The following SOCS7 variants were observed in gnomAD, a reference collection of about 807,000 sequenced individuals.
SOCS7 encodes suppressor of cytokine signaling 7, also known as NAP-4.
SOCS7 carries 18 observed loss-of-function variants against 58.9 expected under a neutral mutation model. That is an observed-to-expected ratio of 0.31 (90% CI 0.21 to 0.45). The LOEUF is 0.45. Ranked by LOEUF, SOCS7 falls within the 20% of genes least tolerant of loss-of-function variation. SOCS7 has a pLI of 1.00. For missense variants in SOCS7, 667 were observed against 837.3 expected, an observed-to-expected ratio of 0.80 and a Z score of 2.51; for synonymous variants, 388 against 364.3, an observed-to-expected ratio of 1.06 and a Z score of -0.74.
At chr17:38,366,881 T>A (rs908206423) in intron 5 of SOCS7, among the ~76,000 whole-genome samples, 2 of 152,158 alleles carry the variant, frequency 1.3e-5, no homozygotes, top group Non-Finnish European at 2.9e-5. Context: ...ATTAGTTCCA[T>A]GAGATGTAAT....
At chr17:38,359,778 A>C (rs2037691129) in intron 1 of SOCS7, among the ~76,000 whole-genome samples, 1 of 150,624 alleles carries the variant, frequency 6.6e-6, no homozygotes, top group Non-Finnish European at 1.5e-5. Flanking sequence ...AAAAATTTTT[A>C]ATTAAAAAAA....
chr17:38,368,846 T>C (rs1187232336), intron 6 of SOCS7, among the ~76,000 whole-genome samples: 1 of 152,204 alleles, frequency 6.6e-6, no homozygotes, highest in African/African-American at 2.4e-5. Context: ...TTTCCTCTTT[T>C]TGTCAATGTT....
Position 38,365,319 on chromosome 17 carries a change from G to A in SOCS7, c.1162G>A (p.Gly388Arg). The A allele has an allele frequency of 6.2e-7, 1 of 1,611,174 alleles. No individual in the cohort carries two copies. Among genetic ancestry groups the A allele is most frequent in the South Asian group, 1.1e-5 (1 of 90,652 alleles). ...GTTCTCTCTTCTAGATGATATCAGT[G>A]GGACGCTGCCTACATCTGTCCTTGT... ...RSLSLLDDIS[G>R]TLPTSVLVAP... The change falls in exon 4 of 10, where the codon GGG becomes AGG. Residue 388 changes from glycine (G) to arginine (R), a missense_variant. Coordinates refer to ENST00000612932, the MANE Select transcript of SOCS7 (RefSeq NM_014598.4).
At chr17:38,377,270 A>G (rs528797562) in intron 6 of SOCS7, among the ~76,000 whole-genome samples, 10 of 152,196 alleles carry the variant, frequency 6.6e-5, no homozygotes, top group Non-Finnish European at 1.3e-4. Flanking sequence ...GAGTATCCCT[A>G]ATCTGAAATC....
chr17:38,386,761 C>G (rs1319273200), intron 7 of SOCS7, among the ~76,000 whole-genome samples: 3 of 151,788 alleles, frequency 2.0e-5, no homozygotes, highest in Non-Finnish European at 4.4e-5. Flanking sequence ...GAATTGGTTC[C>G]CTATCATCCT....
rs766667734 is a variant in SOCS7, at chr17:38,395,270, G to T, written c.1682-39G>T. 17 of 1,607,642 alleles carry T rather than the reference G, an allele frequency of 1.1e-5. No individual in the cohort carries two copies. In the South Asian group the frequency reaches 1.5e-4, roughly 15 times the overall value. ...ACAAGAAATGGTAGTTAGCTCCATT[G>T]TTTCCTCTGAATACTTTCCTTTGTT... On this transcript the variant is annotated intron_variant, in intron 7 of 9. Coordinates refer to ENST00000612932, the MANE Select transcript of SOCS7 (RefSeq NM_014598.4).
chr17:38,383,797 G>A (rs1420893215), intron 7 of SOCS7, among the ~76,000 whole-genome samples: 1 of 152,132 alleles, frequency 6.6e-6, no homozygotes, highest in Non-Finnish European at 1.5e-5. Context: ...ACCCGCCTCG[G>A]CCTCCCAAAG....
At chr17:38,377,001 A>G (rs1373155528) in intron 6 of SOCS7, among the ~76,000 whole-genome samples, 1 of 152,210 alleles carries the variant, frequency 6.6e-6, no homozygotes, top group Non-Finnish European at 1.5e-5. Flanking sequence ...GTAGCCTAGC[A>G]GCAATAGGCT....
intron 2 of SOCS7, among the ~76,000 whole-genome samples, chr17:38,363,473 C>G (rs952986396): frequency 6.6e-6 from 1 of 152,148 alleles, no homozygotes; most frequent in Admixed American, 6.5e-5. Flanking sequence ...ATAGCTGGGA[C>G]TATAGGCATG....
intron 1 of SOCS7, among the ~76,000 whole-genome samples, chr17:38,355,049 T>A (rs764639783): frequency 1.7e-4 from 26 of 152,212 alleles, no homozygotes; most frequent in Non-Finnish European, 3.4e-4. Flanking sequence ...ACTGGAGAAT[T>A]ACATTTTTTG....
rs1312629522 is a variant in SOCS7 at position 38,402,955 on chromosome 17, T to A, written c.*3473T>A. The stretch of plus-strand genomic sequence containing the variant: ...AACTACTGCTACAACTTGCTGTTAC[T>A]TGAAATTCGTGTGCTATGTTGGTAG... On this transcript the variant is annotated 3_prime_UTR_variant, in exon 10 of 10. Coordinates refer to ENST00000612932, the MANE Select transcript of SOCS7 (RefSeq NM_014598.4). 6.6e-6 allele frequency: 1 copy of A among 152,168 alleles called. No homozygotes were observed. The highest frequency in any genetic ancestry group is 2.4e-5 in the African/African-American group (1 of 41,420). 9.4% of individuals were successfully genotyped at this position (152,168 alleles called of 1,614,324 possible). A position where few individuals can be genotyped will look rare whatever the true frequency, so the allele number is the denominator to read the frequency against.
At chr17:38,369,143 A>G (rs1250209851) in intron 6 of SOCS7, among the ~76,000 whole-genome samples, 2 of 152,230 alleles carry the variant, frequency 1.3e-5, no homozygotes, top group Non-Finnish European at 2.9e-5. Context: ...TTGAAAAAGC[A>G]TAGAGAACTT....
chr17:38,389,906 T>TATATATAGAGAG (rs1555571102), intron 7 of SOCS7, among the ~76,000 whole-genome samples: 4 of 103,480 alleles, frequency 3.9e-5, no homozygotes, highest in African/African-American at 1.9e-4. Flanking sequence ...TATACACATA[T>TATATATAGAGAG]AGAGAGAGAG....
Position 38,402,288 on chromosome 17 carries a change from G to C in SOCS7, c.*2806G>C, listed in dbSNP as rs563402118. The C allele has an allele frequency of 6.6e-6, 1 of 152,552 alleles. No homozygotes were observed. The highest frequency in any genetic ancestry group is 2.4e-5 in the African/African-American group (1 of 41,460). The allele number at this position is 152,552 out of a possible 1,614,324, so 9.4% of individuals were successfully genotyped here. On this transcript the variant is annotated 3_prime_UTR_variant, in exon 10 of 10. Coordinates refer to ENST00000612932, the MANE Select transcript of SOCS7 (RefSeq NM_014598.4). ...GCACAGAGCAGTTAGGGGAAGATGAGGGGGAGGCATGGGGCTGGGCCAGCT... is the reference window on the plus strand; with the variant it reads ...GCACAGAGCAGTTAGGGGAAGATGACGGGGAGGCATGGGGCTGGGCCAGCT...
rs962463626 is a variant in SOCS7, at chr17:38,352,460, G to T, written c.408G>T (p.Gly136=). 1.3e-6 allele frequency: 2 copies of T among 1,501,348 alleles called. No individual in the cohort carries two copies. Among genetic ancestry groups the T allele is most frequent in the Non-Finnish European group, 1.8e-6 (2 of 1,125,152 alleles). 93.0% of individuals were successfully genotyped at this position (1,501,348 alleles called of 1,614,324 possible). ...GGCTCGGGCAGCCGGCGGGGCCGGG[G>T]GTCAAGACAGTCGGTGGGGGTTGCT... ...ALGLGQPAGP[G]VKTVGGGCCP... The change falls in exon 1 of 10, where the codon GGG becomes GGT. Residue 136 remains glycine, a synonymous_variant. Transcript: ENST00000612932. This position sits in a 1 kb window ranked among gnomAD's most constrained non-coding sequence, Gnocchi z 5.5.
intron 1 of SOCS7, among the ~76,000 whole-genome samples, chr17:38,360,517 A>T (rs1166088493): frequency 1.4e-5 from 2 of 146,964 alleles, no homozygotes; most frequent in Non-Finnish European, 1.5e-5. Flanking sequence ...CTTTTTTTTT[A>T]TTTTTTTATT....
In SOCS7 at chr17:38,367,209, C is replaced by T. The variant is rs587666893; in HGVS notation, c.1384-673C>T. 1.2e-4 allele frequency among the ~76,000 whole-genome samples: 18 copies of T among 151,920 alleles called. No individual in the cohort carries two copies. In the South Asian group the frequency reaches 2.7e-3, roughly 23 times the overall value. On this transcript the variant is annotated intron_variant, in intron 5 of 9. Transcript: ENST00000612932. ...TCTCCTGAGTAGCTGGTATTACAGG[C>T]GCCCACCACCATGCCCAGCTAATTA...
intron 9 of SOCS7, among the ~76,000 whole-genome samples, chr17:38,397,975 C>T (rs946292273): frequency 6.6e-6 from 1 of 152,126 alleles, no homozygotes; most frequent in African/African-American, 2.4e-5. Context: ...GCATTCTGGG[C>T]AAGGGGACCT....
chr17:38,386,264 C>T (rs1204838095), intron 7 of SOCS7, among the ~76,000 whole-genome samples: 2 of 135,560 alleles, frequency 1.5e-5, no homozygotes, highest in Non-Finnish European at 3.0e-5. Flanking sequence ...GCGGAGGTTG[C>T]AATGAGCCAA....
Sources: allele counts gnomAD v4.1 joint callset (sites outside exome capture counted in the v4.1 genomes callset), GRCh38; gene constraint gnomAD v4.1.1; non-coding constraint Gnocchi (gnomAD v3.1); transcripts MANE v1.5; gene names NCBI Gene and HGNC (gene_info 2026-07-23, HGNC 2026-07-21).